NSD1: variants seen among roughly 807,000 people sequenced by gnomAD.
NSD1 encodes the protein histone-lysine N-methyltransferase, H3 lysine-36 specific.
Under a neutral mutation model 242.7 loss-of-function variants are expected in NSD1, and 26 were observed. The observed-to-expected ratio is 0.11, with a 90% CI of 0.08 to 0.15. The LOEUF (loss-of-function observed/expected upper bound fraction) is 0.15. Among genes scored for constraint, NSD1 ranks in the 10% least tolerant of loss-of-function variants. The pLI is 1.00. For synonymous variants in NSD1, 1,106 were observed against 1,178.1 expected (o/e 0.94, Z 1.25); for missense variants, 2,495 against 3,272.8 (o/e 0.76, Z 5.80).
At chr5:177,172,794 A>C (rs951312686) in intron 2 of NSD1, among the ~76,000 whole-genome samples, 5 of 151,830 alleles carry the variant, frequency 3.3e-5, no homozygotes, top group Admixed American at 6.6e-5. Flanking sequence ...TCCTGTCTCT[A>C]AAAATTTTTT....
At chr5:177,233,502 C>T (rs140065478) in intron 5 of NSD1, among the ~76,000 whole-genome samples, 242 of 148,650 alleles carry the variant, frequency 1.6e-3, no homozygotes, top group Non-Finnish European at 2.9e-3. Context: ...TGGTGTAGCT[C>T]GCATTATAGA....
chr5:177,210,444 A>T lies in NSD1; in HGVS notation c.2045A>T (p.Glu682Val). ...TENMLSMQKNEKIKYSRFAAT... is the reference protein window; with the variant it reads ...TENMLSMQKNVKIKYSRFAAT... ...AACATGTTATCTATGCAGAAAAATGAAAAGATAAAGTATTCTAGGTTTGCT... is the reference window on the plus strand; with the variant it reads ...AACATGTTATCTATGCAGAAAAATGTAAAGATAAAGTATTCTAGGTTTGCT... The change falls in exon 5 of 23, where the codon GAA becomes GTA. Residue 682 changes from glutamate (E) to valine (V), a missense_variant. Physicochemically the swap from Glu to Val is moderately radical, Grantham distance 121. Transcript: ENST00000439151. 6.2e-7 allele frequency: 1 copy of T among 1,614,208 alleles called. No homozygotes were observed. The highest frequency in any genetic ancestry group is 8.5e-7 in the Non-Finnish European group (1 of 1,180,032).
intron 14 of NSD1, chr5:177,266,618 G>T: frequency 1.7e-6 from 1 of 597,344 alleles, no homozygotes; most frequent in Non-Finnish European, 2.5e-6. Flanking sequence ...TCTTCCGGCC[G>T]CCAAGACCCC....
intron 14 of NSD1, among the ~76,000 whole-genome samples, chr5:177,262,081 G>A (rs1217149692): frequency 6.6e-6 from 1 of 152,048 alleles, no homozygotes; most frequent in Non-Finnish European, 1.5e-5. Context: ...TATTATAATA[G>A]CATCAATTAA....
rs1156873642 is a variant in NSD1 at position 177,135,591 on chromosome 5, A to T, written c.488A>T (p.Asp163Val). 2 of 1,614,096 alleles carry T rather than the reference A, an allele frequency of 1.2e-6. No individual in the cohort carries two copies. Among genetic ancestry groups the T allele is most frequent in the East Asian group, 2.2e-5 (1 of 44,902 alleles). The change falls in exon 2 of 23, where the codon GAT becomes GTT. Residue 163 changes from aspartate (D) to valine (V), a missense_variant. By Grantham distance (152) the Asp-to-Val change is radical. Around this residue, in one of 19 missense-constraint regions of NSD1, gnomAD observed 376 missense variants for 367.4 expected, o/e 1.02. Coordinates refer to ENST00000439151, the MANE Select transcript of NSD1 (RefSeq NM_022455.5). Reference protein sequence around the residue: ...FENFTCVDDADVDSEMDPEQP... With the variant: ...FENFTCVDDAVVDSEMDPEQP... ...AATTTTACTTGTGTGGACGATGCAG[A>T]TGTAGATTCTGAAATGGACCCAGAA...
At chr5:177,198,918 A>T (rs1762301396) in intron 3 of NSD1, among the ~76,000 whole-genome samples, 1 of 152,100 alleles carries the variant, frequency 6.6e-6, no homozygotes, top group Non-Finnish European at 1.5e-5. Flanking sequence ...ATCTTTCCAC[A>T]CCCATACGTG....
intron 2 of NSD1, among the ~76,000 whole-genome samples, chr5:177,167,936 G>T (rs1325523049): frequency 6.6e-6 from 1 of 152,128 alleles, no homozygotes; most frequent in African/African-American, 2.4e-5. Context: ...TTTGGCGGAG[G>T]TGTCCGGTAT....
chr5:177,222,378 C>T (rs1162225833), intron 5 of NSD1, among the ~76,000 whole-genome samples: 1 of 152,104 alleles, frequency 6.6e-6, no homozygotes, highest in Non-Finnish European at 1.5e-5. Flanking sequence ...GAGTAGAATT[C>T]CTGGGTCATT....
rs1757789247 is a variant in NSD1 at position 177,269,525 on chromosome 5, C to T, written c.5304-77C>T. Reference sequence around the variant, plus strand: ...GACAGACAGACATTGCTAATCCTTACTTTTATATGAGTAGGTTATTTTCCT... The same window carrying T: ...GACAGACAGACATTGCTAATCCTTATTTTTATATGAGTAGGTTATTTTCCT... On this transcript the variant is annotated intron_variant, in intron 15 of 22. Coordinates refer to ENST00000439151, the MANE Select transcript of NSD1 (RefSeq NM_022455.5). The surrounding 1 kb of genome is among the most constrained non-coding windows in gnomAD (Gnocchi z 5.1). The T allele has an allele frequency of 1.0e-5, 13 of 1,302,784 alleles. No individual in the cohort carries two copies. Among genetic ancestry groups the T allele is most frequent in the Non-Finnish European group, 1.4e-5 (13 of 907,080 alleles). 80.7% of individuals were successfully genotyped at this position (1,302,784 alleles called of 1,614,324 possible). A position where few individuals can be genotyped will look rare whatever the true frequency, so the allele number is the denominator to read the frequency against.
At chr5:177,212,617 G>A (rs1763447919) in intron 5 of NSD1, among the ~76,000 whole-genome samples, 1 of 150,290 alleles carries the variant, frequency 6.7e-6, no homozygotes, top group African/African-American at 2.4e-5. Flanking sequence ...GATTACTCTT[G>A]CCTGACCTGT....
chr5:177,213,217 TA>T (rs1763498008), intron 5 of NSD1, among the ~76,000 whole-genome samples: 1 of 152,216 alleles, frequency 6.6e-6, no homozygotes, highest in African/African-American at 2.4e-5. Context: ...TGTATATACA[TA>T]TTTTTTTCTT....
chr5:177,282,433 G>C (rs2127260228), intron 18 of NSD1, 32 bp from the exon 19 acceptor site: 1 of 1,399,896 alleles, frequency 7.1e-7, no homozygotes, highest in Non-Finnish European at 1.0e-6. Flanking sequence ...GTCCTTTTTT[G>C]CCATTAAGTC....
At chr5:177,258,186 G>T (rs946051421) in intron 13 of NSD1, among the ~76,000 whole-genome samples, 3 of 151,364 alleles carry the variant, frequency 2.0e-5, no homozygotes, top group African/African-American at 7.3e-5. Flanking sequence ...CTCCATGTTG[G>T]TCAGGCTGGT....
intron 20 of NSD1, among the ~76,000 whole-genome samples, chr5:177,287,567 CGG>C (rs950740461): frequency 3.3e-5 from 5 of 152,070 alleles, no homozygotes; most frequent in African/African-American, 1.2e-4. Context: ...ACCCAGGAGG[CGG>C]AGGCTGCAGT....
chr5:177,231,402 G>T (rs1371786817), intron 5 of NSD1, among the ~76,000 whole-genome samples: 2 of 152,100 alleles, frequency 1.3e-5, no homozygotes, highest in Non-Finnish European at 2.9e-5. Context: ...CCATTACTTT[G>T]AAGAAAAATG....
Position 177,295,293 on chromosome 5 carries a change from G to C in NSD1, c.7925G>C (p.Gly2642Ala), listed in dbSNP as rs1030217516. 2 of 1,614,240 alleles carry C rather than the reference G, an allele frequency of 1.2e-6. No individual in the cohort carries two copies. The highest frequency in any genetic ancestry group is 2.7e-5 in the African/African-American group (2 of 75,076). ...GCAGGGCTCTGGCCCATAGTGGCTG[G>C]ACAGACACTGGCACAGTCTTGCTGG... ...SRAGLWPIVA[G>A]QTLAQSCWSA... Residue 2642 changes from glycine to alanine, a missense_variant, in exon 23 of 23, where the codon GGA (glycine) becomes GCA (alanine). Coordinates refer to ENST00000439151, the MANE Select transcript of NSD1 (RefSeq NM_022455.5). This position sits in a 1 kb window ranked among gnomAD's most constrained non-coding sequence, Gnocchi z 4.3.
At chr5:177,185,782 ATG>A (rs1165611168) in intron 2 of NSD1, among the ~76,000 whole-genome samples, 4 of 39,088 alleles carry the variant, frequency 1.0e-4, no homozygotes, top group African/African-American at 6.6e-4. Flanking sequence ...TATATTATAT[ATG>A]TATATTATAT....
At chr5:177,201,892 C>T (rs949154407) in intron 3 of NSD1, among the ~76,000 whole-genome samples, 4 of 150,904 alleles carry the variant, frequency 2.7e-5, no homozygotes, top group African/African-American at 4.9e-5. Flanking sequence ...TTCAGCCTGG[C>T]GCGGTGGCTC....
chr5:177,139,587 A>G (rs1293647508), intron 2 of NSD1, among the ~76,000 whole-genome samples: 1 of 152,198 alleles, frequency 6.6e-6, no homozygotes, highest in Non-Finnish European at 1.5e-5. Flanking sequence ...GATTTAAGTT[A>G]TTGATATAGT....
Sources: allele counts gnomAD v4.1 joint callset (sites outside exome capture counted in the v4.1 genomes callset), GRCh38; gene constraint gnomAD v4.1.1; regional missense constraint gnomAD v4.1.1; non-coding constraint Gnocchi (gnomAD v3.1); transcripts MANE v1.5; gene names NCBI Gene and HGNC (gene_info 2026-07-23, HGNC 2026-07-21).